CHST1: variants seen among roughly 807,000 people sequenced by gnomAD.
CHST1 encodes the protein Keratan sulfotransferase.
A neutral mutation model predicts 22.5 loss-of-function variants in CHST1; 10 were observed. That is an observed-to-expected ratio of 0.44 (90% CI 0.27 to 0.75). The LOEUF (loss-of-function observed/expected upper bound fraction) is 0.75. Ranked by LOEUF, CHST1 falls within the 30% of genes least tolerant of loss-of-function variation. The pLI is 0.15. For missense variants in CHST1, 439 were observed against 576.1 expected, an observed-to-expected ratio of 0.76 and a Z score of 2.44; for synonymous variants, 267 against 264.5, an observed-to-expected ratio of 1.01 and a Z score of -0.09.
chr11:45,660,070 G>A (rs1019629967), intron 1 of CHST1, among the ~76,000 whole-genome samples: 1 of 152,186 alleles, frequency 6.6e-6, no homozygotes, highest in Non-Finnish European at 1.5e-5. Context: ...CATCAACAGG[G>A]ACCTCCATTG....
At chr11:45,654,238 A>C (rs1852032955) in intron 1 of CHST1, among the ~76,000 whole-genome samples, 1 of 152,142 alleles carries the variant, frequency 6.6e-6, no homozygotes, top group African/African-American at 2.4e-5. Context: ...TAAGGCCAGG[A>C]CTGGAAGCTG....
At chr11:45,662,915 C>A (rs1230786278) in intron 1 of CHST1, among the ~76,000 whole-genome samples, 1 of 152,158 alleles carries the variant, frequency 6.6e-6, no homozygotes, top group Non-Finnish European at 1.5e-5. Flanking sequence ...CCCTCACAGT[C>A]CCCACCGAAG....
At chr11:45,659,739 T>C (rs532035616) in intron 1 of CHST1, among the ~76,000 whole-genome samples, 1 of 152,240 alleles carries the variant, frequency 6.6e-6, no homozygotes, top group South Asian at 2.1e-4. Flanking sequence ...AGTGAGAACT[T>C]TGAGTGGTTT....
chr11:45,649,649 G>A lies in CHST1; in HGVS notation c.*39C>T, dbSNP rs1046017970. ...AAAAACGGTCCATTTTATCAAAACC[G>A]ACACCTTGCGCCTCCCGCCCCCACC... is the stretch of plus-strand genomic sequence containing the variant. On this transcript the variant is annotated 3_prime_UTR_variant, in exon 4 of 4. Coordinates refer to ENST00000308064, the MANE Select transcript of CHST1 (RefSeq NM_003654.6). 1.0e-5 allele frequency: 15 copies of A among 1,507,094 alleles called. No homozygotes were observed. The highest frequency in any genetic ancestry group is 2.2e-5 in the Admixed American group (1 of 45,184). 93.4% of individuals were successfully genotyped at this position (1,507,094 alleles called of 1,614,324 possible).
At chr11:45,663,543 C>G (rs1437165692) in intron 1 of CHST1, among the ~76,000 whole-genome samples, 1 of 152,206 alleles carries the variant, frequency 6.6e-6, no homozygotes, top group Non-Finnish European at 1.5e-5. Context: ...AAATGCGTTT[C>G]TGCTTTGAGA....
chr11:45,658,762 C>T (rs771781522), intron 1 of CHST1, among the ~76,000 whole-genome samples: 54 of 152,168 alleles, frequency 3.5e-4, no homozygotes, highest in Non-Finnish European at 7.1e-4. Context: ...TCTACAGCCC[C>T]GACACTGGGC....
intron 3 of CHST1, chr11:45,651,663 C>G (rs1017996632): frequency 1.2e-4 from 18 of 152,340 alleles, no homozygotes; most frequent in African/African-American, 4.3e-4. Flanking sequence ...TTCCCAGCAC[C>G]CAGGGTCTGT....
chr11:45,664,697 T>G (rs1439528694), intron 1 of CHST1, among the ~76,000 whole-genome samples: 1 of 152,180 alleles, frequency 6.6e-6, no homozygotes, highest in African/African-American at 2.4e-5. Flanking sequence ...CGCAGCGGTC[T>G]GGGTGCGGAG....
chr11:45,658,152 G>A (rs1315594360), intron 1 of CHST1, among the ~76,000 whole-genome samples: 1 of 152,274 alleles, frequency 6.6e-6, no homozygotes, highest in Non-Finnish European at 1.5e-5. Flanking sequence ...GGCCACAGAG[G>A]CCTGGATTTG....
rs1851940518 is a variant in CHST1 at position 45,648,105 on chromosome 11, G to C, written c.*1583C>G. On this transcript the variant is annotated 3_prime_UTR_variant, in exon 4 of 4. Coordinates refer to ENST00000308064, the MANE Select transcript of CHST1 (RefSeq NM_003654.6). ...AGGAAGCACAGCAGATTCTCTGCCAGTGTAGACACCAGTAAACCTGTACCA... is the reference window on the plus strand; with the variant it reads ...AGGAAGCACAGCAGATTCTCTGCCACTGTAGACACCAGTAAACCTGTACCA... Among the ~76,000 whole-genome samples the C allele has an allele frequency of 6.6e-6, 1 of 152,214 alleles. No individual in the cohort carries two copies. Among genetic ancestry groups the C allele is most frequent in the African/African-American group, 2.4e-5 (1 of 41,454 alleles).
At chr11:45,654,164 C>T (rs1266695149) in intron 1 of CHST1, among the ~76,000 whole-genome samples, 1 of 152,180 alleles carries the variant, frequency 6.6e-6, no homozygotes, top group African/African-American at 2.4e-5. Context: ...AACATCTTGC[C>T]ATCTTGCTGG....
At chr11:45,659,057 C>T (rs1186469194) in intron 1 of CHST1, among the ~76,000 whole-genome samples, 1 of 152,202 alleles carries the variant, frequency 6.6e-6, no homozygotes, top group Non-Finnish European at 1.5e-5. Context: ...GAATAGGACC[C>T]AGAGCCTTGA....
chr11:45,649,075 A>G lies in CHST1; in HGVS notation c.*613T>C, dbSNP rs970189630. On this transcript the variant is annotated 3_prime_UTR_variant, in exon 4 of 4. Coordinates refer to ENST00000308064, the MANE Select transcript of CHST1 (RefSeq NM_003654.6). ...GCGGCCACGAGACTCAGACAGACAG[A>G]CAGCATCACCACAGACTGGAAACAG... 2.0e-5 allele frequency: 3 copies of G among 152,430 alleles called. No individual in the cohort carries two copies. Among genetic ancestry groups the G allele is most frequent in the Admixed American group, 1.3e-4 (2 of 15,250 alleles). The allele number at this position is 152,430 out of a possible 1,614,324, so 9.4% of individuals were successfully genotyped here.
chr11:45,660,016 C>T lies in CHST1; in HGVS notation c.-227+5162G>A, dbSNP rs1458427623. ...AGAGCATTAGGAGGGGCCACAGCTC[C>T]ATCCACTGGGCATATGGCCAACCAG... is the stretch of plus-strand genomic sequence containing the variant. On this transcript the variant is annotated intron_variant, in intron 1 of 3. Coordinates refer to ENST00000308064, the MANE Select transcript of CHST1 (RefSeq NM_003654.6). Among the ~76,000 whole-genome samples the T allele has an allele frequency of 2.6e-5, 4 of 152,320 alleles. No individual in the cohort carries two copies. The East Asian group carries it at 7.7e-4, about 29-fold the overall frequency.
At position 45,662,288 on chromosome 11, in the gene CHST1, C is replaced by A. The variant is rs45493791; in HGVS notation, c.-227+2890G>T. ...CAACCCCTAGGGGCTCCAGGGCTGA[C>A]CCCTGCCTTTAGCGGGAAGGCTGAG... On this transcript the variant is annotated intron_variant, in intron 1 of 3. Transcript: ENST00000308064. 9.9e-3 allele frequency among the ~76,000 whole-genome samples: 1,510 copies of A among 152,280 alleles called. 26 individuals carry two copies. Among genetic ancestry groups the A allele is most frequent in the African/African-American group, 0.035 (1,446 of 41,550 alleles).
At chr11:45,659,507 G>A in intron 1 of CHST1, among the ~76,000 whole-genome samples, 1 of 152,294 alleles carries the variant, frequency 6.6e-6, no homozygotes, top group East Asian at 1.9e-4. Context: ...CACTGGTGGG[G>A]CTTGAGGGCT....
At chr11:45,656,722 TC>T (rs71451618) in intron 1 of CHST1, among the ~76,000 whole-genome samples, 4 of 48,594 alleles carry the variant, frequency 8.2e-5, no homozygotes, top group South Asian at 8.4e-4. Context: ...CCTCCCACCC[TC>T]CCCCCCCAGG....
intron 1 of CHST1, among the ~76,000 whole-genome samples, chr11:45,653,785 C>A (rs1288304345): frequency 6.6e-6 from 1 of 152,162 alleles, no homozygotes; most frequent in African/African-American, 2.4e-5. Flanking sequence ...CCAAGGAAGG[C>A]AAGCACTTGC....
intron 1 of CHST1, among the ~76,000 whole-genome samples, chr11:45,663,020 C>T (rs537327652): frequency 2.0e-5 from 3 of 152,352 alleles, no homozygotes; most frequent in Admixed American, 2.0e-4. Context: ...GTCCTCTGAA[C>T]AAGTCTGTTT....
Sources: allele counts gnomAD v4.1 joint callset (sites outside exome capture counted in the v4.1 genomes callset), GRCh38; gene constraint gnomAD v4.1.1; transcripts MANE v1.5; gene names NCBI Gene and HGNC (gene_info 2026-07-23, HGNC 2026-07-21).